The following CDH13 variants were observed in gnomAD, a reference collection of about 807,000 sequenced individuals.
CDH13 encodes the protein cadherin-13.
Under a neutral mutation model 63.8 loss-of-function variants are expected in CDH13, and 24 were observed. The ratio of observed to expected loss-of-function variants is 0.38; its 90% CI spans 0.27 to 0.53. The LOEUF (loss-of-function observed/expected upper bound fraction) is 0.53. Ranked by LOEUF, CDH13 falls within the 20% of genes least tolerant of loss-of-function variation. The pLI, the probability that CDH13 is intolerant of heterozygous loss-of-function variation, is 0.85. For synonymous variants in CDH13, 503 were observed against 355.3 expected (o/e 1.42, Z -4.67); for missense variants, 1,049 against 903.1 (o/e 1.16, Z -2.07).
At chr16:83,348,854 C>A (rs963925263) in intron 6 of CDH13, among the ~76,000 whole-genome samples, 1 of 152,124 alleles carries the variant, frequency 6.6e-6, no homozygotes, top group Non-Finnish European at 1.5e-5. Flanking sequence ...ACAATGAATG[C>A]CTTTGTATTG....
chr16:83,099,182 G>C (rs2034352802), intron 3 of CDH13, among the ~76,000 whole-genome samples: 1 of 151,972 alleles, frequency 6.6e-6, no homozygotes, highest in South Asian at 2.1e-4. Context: ...GCATATATTA[G>C]AATATATATT....
intron 1 of CDH13, 84 bp from the exon 2 acceptor site, chr16:82,858,278 T>G: frequency 1.3e-6 from 1 of 796,166 alleles, no homozygotes; most frequent in Non-Finnish European, 2.1e-6. Context: ...CTCAGCTTGT[T>G]TCTAAAAGTT....
At chr16:83,689,173 A>G (rs1904602315) in intron 10 of CDH13, among the ~76,000 whole-genome samples, 1 of 152,200 alleles carries the variant, frequency 6.6e-6, no homozygotes, top group Non-Finnish European at 1.5e-5. Context: ...TATAATTATC[A>G]GGGTCCTTCT....
At chr16:83,657,387 C>T (rs1200771637) in intron 8 of CDH13, among the ~76,000 whole-genome samples, 5 of 152,184 alleles carry the variant, frequency 3.3e-5, no homozygotes. Context: ...GGGATCTCTA[C>T]TCTGATCCCC....
chr16:83,085,810 C>G (rs919346993), intron 3 of CDH13, among the ~76,000 whole-genome samples: 3 of 152,196 alleles, frequency 2.0e-5, no homozygotes, highest in Non-Finnish European at 2.9e-5. Context: ...TCTCAATATG[C>G]TAAGACACAT....
At chr16:82,965,783 G>C (rs1426119816) in intron 2 of CDH13, among the ~76,000 whole-genome samples, 1 of 152,200 alleles carries the variant, frequency 6.6e-6, no homozygotes, top group Non-Finnish European at 1.5e-5. Flanking sequence ...ATGAGCCACT[G>C]CTCCCGGCCA....
At chr16:83,738,192 C>A (rs1394816402) in intron 10 of CDH13, among the ~76,000 whole-genome samples, 72 of 152,328 alleles carry the variant, frequency 4.7e-4, no homozygotes, top group Admixed American at 4.7e-3. Context: ...TATATCCTGT[C>A]TCCCTGCTGG....
At chr16:83,215,995 T>A (rs1158915489) in intron 4 of CDH13, among the ~76,000 whole-genome samples, 2 of 143,332 alleles carry the variant, frequency 1.4e-5, no homozygotes, top group African/African-American at 2.6e-5. Context: ...CCACCCCCCA[T>A]ACTTTGACCC....
intron 6 of CDH13, among the ~76,000 whole-genome samples, chr16:83,473,025 A>G (rs114955762): frequency 0.025 from 3,814 of 152,212 alleles, 165 homozygotes; most frequent in African/African-American, 0.086. Context: ...GGTGGCCTGG[A>G]AAAAGCTACC....
rs192012527 is a variant in CDH13 at position 82,913,436 on chromosome 16, C to G, written c.157+54963C>G. Among the ~76,000 whole-genome samples, 344 of 152,248 alleles carry G rather than the reference C, an allele frequency of 2.3e-3. 1 individual carries two copies. Among genetic ancestry groups the G allele is most frequent in the African/African-American group, 7.9e-3 (329 of 41,552 alleles). ...TTCCCAGATCTAGGTCTGATACCTGCCCCTCCTCCTTACCCTGGACTGTAA... is the reference window on the plus strand; with the variant it reads ...TTCCCAGATCTAGGTCTGATACCTGGCCCTCCTCCTTACCCTGGACTGTAA... On this transcript the variant is annotated intron_variant, in intron 2 of 13. Transcript: ENST00000567109.
At chr16:82,847,518 C>T (rs2039311826) in intron 1 of CDH13, among the ~76,000 whole-genome samples, 2 of 152,198 alleles carry the variant, frequency 1.3e-5, no homozygotes, top group South Asian at 2.1e-4. Context: ...ATCTCTTTCT[C>T]TTATCCTTTC....
intron 2 of CDH13, among the ~76,000 whole-genome samples, chr16:82,946,070 T>A (rs1299995537): frequency 6.6e-6 from 1 of 152,074 alleles, no homozygotes; most frequent in African/African-American, 2.4e-5. Context: ...CCTGATCAAC[T>A]GAGCTTCTTG....
chr16:83,621,917 T>G (rs902828521), intron 8 of CDH13, among the ~76,000 whole-genome samples: 1 of 152,168 alleles, frequency 6.6e-6, no homozygotes, highest in African/African-American at 2.4e-5. Context: ...CCTCCGTCAT[T>G]TCTTCTCATT....
intron 4 of CDH13, chr16:83,171,668 C>CA: frequency 1.0e-6 from 1 of 965,400 alleles, no homozygotes; most frequent in Non-Finnish European, 1.6e-6. Flanking sequence ...AGTGACACTG[C>CA]AAATAGCATG....
chr16:83,107,549 T>C (rs1441523444), intron 3 of CDH13, among the ~76,000 whole-genome samples: 3 of 152,148 alleles, frequency 2.0e-5, no homozygotes, highest in Non-Finnish European at 4.4e-5. Context: ...AGTTTGCATT[T>C]AGGAGGGTTT....
At chr16:83,276,751 G>T (rs2089001830) in intron 5 of CDH13, among the ~76,000 whole-genome samples, 1 of 152,124 alleles carries the variant, frequency 6.6e-6, no homozygotes, top group South Asian at 2.1e-4. Context: ...GGCACCTGTA[G>T]CCACAGCTAC....
chr16:83,786,204 A>C (rs1915867960), intron 13 of CDH13, among the ~76,000 whole-genome samples: 1 of 152,200 alleles, frequency 6.6e-6, no homozygotes, highest in African/African-American at 2.4e-5. Flanking sequence ...AAGGAAGAGA[A>C]ACCAACTAGG....
rs535003800 is a variant in CDH13 at position 83,358,810 on chromosome 16, T to G, written c.781+13804T>G. 2.3e-3 allele frequency among the ~76,000 whole-genome samples: 350 copies of G among 152,258 alleles called. 1 individual carries two copies. Among genetic ancestry groups the G allele is most frequent in the Middle Eastern group, 0.017 (5 of 294 alleles). ...ATCTTAGAGTTCCTTCCAGAAAGCA[T>G]TCTAAGGCCTCTTTGACATTAGACA... On this transcript the variant is annotated intron_variant, in intron 6 of 13. Transcript: ENST00000567109.
At chr16:82,952,734 C>T (rs1039314312) in intron 2 of CDH13, among the ~76,000 whole-genome samples, 2 of 152,196 alleles carry the variant, frequency 1.3e-5, no homozygotes, top group South Asian at 2.1e-4. Flanking sequence ...CCCACTGGCC[C>T]CTCCAGGTCC....
Sources: allele counts gnomAD v4.1 joint callset (sites outside exome capture counted in the v4.1 genomes callset), GRCh38; gene constraint gnomAD v4.1.1; transcripts MANE v1.5; gene names NCBI Gene and HGNC (gene_info 2026-07-23, HGNC 2026-07-21).